SCUBE2: variants seen among roughly 807,000 people sequenced by gnomAD.
The protein encoded by SCUBE2 is signal peptide, CUB domain and EGF like domain containing 2.
Under a neutral mutation model 125.9 loss-of-function variants are expected in SCUBE2, and 114 were observed. That is an observed-to-expected ratio of 0.91 (90% confidence interval 0.78 to 1.06). The LOEUF is 1.06. Ranked by LOEUF, SCUBE2 falls within the 50% of genes least tolerant of loss-of-function variation. The pLI is 0.00. For missense variants in SCUBE2, 1,255 were observed against 1,301.8 expected (o/e 0.96, Z 0.55); for synonymous variants, 459 against 492.9 (o/e 0.93, Z 0.91).
intron 1 of SCUBE2, among the ~76,000 whole-genome samples, chr11:9,090,040 A>C (rs1862502829): frequency 6.6e-6 from 1 of 151,696 alleles, no homozygotes; most frequent in Admixed American, 6.6e-5. Flanking sequence ...CCCCACCATC[A>C]CCTACTGGCC....
rs914812753 is a variant in SCUBE2, at chr11:9,091,290, C to T, written c.133+106G>A. ...AGAGGCCCCCGCGGAGCTGCAGCCG[C>T]CAGCCCCGAGCCCCGCGCGCCCGGC... On this transcript the variant is annotated intron_variant, in intron 1 of 22. Transcript: ENST00000649792. The surrounding 1 kb of genome is among the most constrained non-coding windows in gnomAD (Gnocchi z 8.5). 13 of 813,272 alleles carry T rather than the reference C, an allele frequency of 1.6e-5. No homozygotes were observed. In the Admixed American group the frequency reaches 5.0e-4, roughly 31 times the overall value. The allele number at this position is 813,272 out of a possible 1,614,324, so 50.4% of individuals were successfully genotyped here.
At position 9,055,912 on chromosome 11, in the gene SCUBE2, G is replaced by A. The variant is rs1451120438; in HGVS notation, c.1091-3C>T. On this transcript the variant is annotated splice_region_variant and splice_polypyrimidine_tract_variant and intron_variant, in intron 9 of 22. Transcript: ENST00000649792. ...ATCCAAAGAGCACTCATCCACATCT[G>A]TAATGGTCAAAGGGAGAGGGGAGCT... 1.9e-6 allele frequency: 3 copies of A among 1,612,450 alleles called. No individual in the cohort carries two copies. The highest frequency in any genetic ancestry group is 8.5e-7 in the Non-Finnish European group (1 of 1,178,446).
chr11:9,036,190 A>T (rs533761438), intron 16 of SCUBE2, among the ~76,000 whole-genome samples: 2 of 152,362 alleles, frequency 1.3e-5, no homozygotes, highest in East Asian at 3.9e-4. Context: ...ATGGCCGACT[A>T]CAATTTTATA....
rs548017893 is a variant in SCUBE2 at position 9,079,505 on chromosome 11, G to A, written c.261C>T (p.Ile87=). The A allele has an allele frequency of 1.8e-5, 29 of 1,613,348 alleles. No individual in the cohort carries two copies. Among genetic ancestry groups the A allele is most frequent in the Middle Eastern group, 1.7e-4 (1 of 6,058 alleles). The change falls in exon 3 of 23, where the codon ATC becomes ATT. Residue 87 remains isoleucine, a synonymous_variant. Transcript: ENST00000649792. Reference sequence around the variant, plus strand: ...CATTGAGCTCATTTCCACATTCATCGATGTCTGAGGAATAAAACAGAAGTA... The same window carrying A: ...CATTGAGCTCATTTCCACATTCATCAATGTCTGAGGAATAAAACAGAAGTA... ...YQGEGRQCED[I]DECGNELNGG...
At chr11:9,043,096 G>T (rs1444684452) in intron 16 of SCUBE2, among the ~76,000 whole-genome samples, 1 of 152,182 alleles carries the variant, frequency 6.6e-6, no homozygotes. Flanking sequence ...CAAGGTTGCT[G>T]CAGAGGAACA....
At chr11:9,038,640 AAAC>A (rs1182359999) in intron 16 of SCUBE2, among the ~76,000 whole-genome samples, 1 of 152,172 alleles carries the variant, frequency 6.6e-6, no homozygotes, top group Non-Finnish European at 1.5e-5. Flanking sequence ...AACAAACACA[AAAC>A]AACAACAAAA....
Position 9,047,937 on chromosome 11 carries a change from A to G in SCUBE2, c.1795+6T>C. On this transcript the variant is annotated splice_donor_region_variant and intron_variant, in intron 15 of 22. Transcript: ENST00000649792. The stretch of plus-strand genomic sequence containing the variant: ...GCCTGGCAATGCAGACTGTTTTCAA[A>G]CCAACCTGTCACCTCCTTTTGGTTA... The G allele has an allele frequency of 5.0e-6, 8 of 1,605,392 alleles. No homozygotes were observed. The highest frequency in any genetic ancestry group is 6.8e-6 in the Non-Finnish European group (8 of 1,175,646).
intron 17 of SCUBE2, 85 bp downstream of exon 17, chr11:9,033,541 A>G (rs1432040997): frequency 7.4e-6 from 11 of 1,480,150 alleles, no homozygotes; most frequent in Non-Finnish European, 9.2e-6. Flanking sequence ...GTGAGTGTGC[A>G]TTGTCTGGAG....
chr11:9,085,098 T>A (rs890917130), intron 2 of SCUBE2, among the ~76,000 whole-genome samples: 1 of 152,026 alleles, frequency 6.6e-6, no homozygotes, highest in African/African-American at 2.4e-5. Context: ...GCAGTACTCA[T>A]CAAAAGTGTC....
chr11:9,025,376 C>T (rs1668836993), intron 21 of SCUBE2: 1 of 217,192 alleles, frequency 4.6e-6, no homozygotes, highest in Admixed American at 5.4e-5. Flanking sequence ...CTCATTCGCA[C>T]ATTAAGAACT....
At chr11:9,042,460 T>C (rs1857341619) in intron 16 of SCUBE2, among the ~76,000 whole-genome samples, 1 of 152,156 alleles carries the variant, frequency 6.6e-6, no homozygotes, top group Non-Finnish European at 1.5e-5. Context: ...TTCTGATTGC[T>C]TCACTCCCTG....
intron 19 of SCUBE2, among the ~76,000 whole-genome samples, chr11:9,029,089 A>C (rs982124880): frequency 6.6e-6 from 1 of 152,164 alleles, no homozygotes; most frequent in African/African-American, 2.4e-5. Flanking sequence ...TCTGACTGCT[A>C]TCTTAAAGAT....
Position 9,078,597 on chromosome 11 carries a change from C to T in SCUBE2, c.382+787G>A, listed in dbSNP as rs368782387. ...TCCCCACAGAGCCAGGGCCTGGCTC[C>T]GCTGCTCCTTAGTTGGCCAAGTAGA... On this transcript the variant is annotated intron_variant, in intron 3 of 22. Coordinates refer to ENST00000649792, the MANE Select transcript of SCUBE2 (RefSeq NM_001367977.2). 1.1e-4 allele frequency among the ~76,000 whole-genome samples: 17 copies of T among 152,312 alleles called. No homozygotes were observed. In the South Asian group the frequency reaches 1.2e-3, roughly 11 times the overall value.
At chr11:9,086,408 G>T (rs1373780367) in intron 2 of SCUBE2, among the ~76,000 whole-genome samples, 2 of 152,164 alleles carry the variant, frequency 1.3e-5, no homozygotes, top group Non-Finnish European at 2.9e-5. Flanking sequence ...GTCCCAAGAG[G>T]CTCAAAAATT....
At position 9,089,727 on chromosome 11, in the gene SCUBE2, C is replaced by A. The variant is rs377393786; in HGVS notation, c.236G>T (p.Gly79Val). The change falls in exon 2 of 23, where the codon GGG becomes GTG. Residue 79 changes from glycine (G) to valine (V), a missense_variant. Transcript: ENST00000649792. ...YKCSCKPGYQGEGRQCEDIDE... is the reference protein window; with the variant it reads ...YKCSCKPGYQVEGRQCEDIDE... ...CTTACCCTCACACTGCCTGCCTTCC[C>A]CTTGGTAGCCAGGCTTGCAGGAGCA... is the stretch of plus-strand genomic sequence containing the variant. 10 of 1,613,800 alleles carry A rather than the reference C, an allele frequency of 6.2e-6. No individual in the cohort carries two copies. Among genetic ancestry groups the A allele is most frequent in the Non-Finnish European group, 8.5e-6 (10 of 1,179,824 alleles).
Position 9,048,090 on chromosome 11 carries a change from T to C in SCUBE2, c.1648A>G (p.Ser550Gly). The C allele has an allele frequency of 6.2e-7, 1 of 1,607,732 alleles. No homozygotes were observed. Among genetic ancestry groups the C allele is most frequent in the Middle Eastern group, 1.7e-4 (1 of 5,982 alleles). Residue 550 changes from serine (S) to glycine (G), a missense_variant, in exon 15 of 23, where the codon AGC (serine) becomes GGC (glycine). This residue lies in a region of SCUBE2 where 378 missense variants were observed against 463.1 expected (regional missense o/e 0.82). Transcript: ENST00000649792. Reference sequence around the variant, plus strand: ...TAGCGGAAGCTCTCTTTTACTGAGCTGTGCTTCTCTGTATGAAGAAACAAA... The same window carrying C: ...TAGCGGAAGCTCTCTTTTACTGAGCCGTGCTTCTCTGTATGAAGAAACAAA... ...GLRPALPEKH[S>G]SVKESFRYVN...
chr11:9,046,640 A>G (rs1857807525), intron 16 of SCUBE2, among the ~76,000 whole-genome samples: 1 of 152,190 alleles, frequency 6.6e-6, no homozygotes, highest in Admixed American at 6.5e-5. Context: ...CCACTATTTT[A>G]GTACGGAAAC....
In SCUBE2 at chr11:9,027,351, G is replaced by T. The variant is rs532760030; in HGVS notation, c.2701+13C>A. The T allele has an allele frequency of 2.9e-5, 47 of 1,613,068 alleles. No homozygotes were observed. In the East Asian group the frequency reaches 1.0e-3, roughly 35 times the overall value. ...AGCTGGCCTGAGAAAGGGAGGGAGG[G>T]AGTGAGACGCACAGGTTTTCCGCAT... On this transcript the variant is annotated intron_variant, in intron 20 of 22. Coordinates refer to ENST00000649792, the MANE Select transcript of SCUBE2 (RefSeq NM_001367977.2).
chr11:9,043,272 A>ATG (rs199820869), intron 16 of SCUBE2, among the ~76,000 whole-genome samples: 1 of 126,224 alleles, frequency 7.9e-6, no homozygotes, highest in Non-Finnish European at 1.6e-5. Context: ...ACATACATAC[A>ATG]TATATACACA....
Sources: allele counts gnomAD v4.1 joint callset (sites outside exome capture counted in the v4.1 genomes callset), GRCh38; gene constraint gnomAD v4.1.1; regional missense constraint gnomAD v4.1.1; non-coding constraint Gnocchi (gnomAD v3.1); transcripts MANE v1.5; gene names NCBI Gene and HGNC (gene_info 2026-07-23, HGNC 2026-07-21).